WDR20: variants seen among roughly 807,000 people sequenced by gnomAD.
The protein encoded by WDR20 is WD repeat domain 20.
Under a neutral mutation model 38.7 loss-of-function variants are expected in WDR20, and 3 were observed. The observed-to-expected ratio is 0.08, with a 90% CI of 0.04 to 0.20. The LOEUF (loss-of-function observed/expected upper bound fraction) is 0.20. WDR20 is among the 10% of genes least tolerant of loss of function. The probability of loss-of-function intolerance (pLI) is 1.00; values close to 1 mark genes in which losing one functional copy is unlikely to be tolerated. For missense variants in WDR20, 559 were observed against 727.7 expected (o/e 0.77, Z 2.67); for synonymous variants, 298 against 285.6 (o/e 1.04, Z -0.44).
intron 2 of WDR20, among the ~76,000 whole-genome samples, chr14:102,198,654 T>TA (rs1377917046): frequency 6.6e-6 from 1 of 152,220 alleles, no homozygotes; most frequent in Non-Finnish European, 1.5e-5. Flanking sequence ...CCACATCACC[T>TA]ACGGCCTGAT....
downstream of WDR20, chr14:102,213,675 C>G (rs576511360): frequency 1.0e-6 from 1 of 985,454 alleles, no homozygotes; most frequent in South Asian, 4.7e-5. Flanking sequence ...GCCATTTCTC[C>G]CCAGTTCCTC....
At chr14:102,156,171 C>CTT (rs771377694) in intron 1 of WDR20, among the ~76,000 whole-genome samples, 4 of 138,538 alleles carry the variant, frequency 2.9e-5, no homozygotes, top group South Asian at 2.3e-4. Flanking sequence ...ACCATTAGAT[C>CTT]TTTTTTTTTT....
chr14:102,218,945 G>A (rs746482291), downstream of WDR20, among the ~76,000 whole-genome samples: 4 of 152,202 alleles, frequency 2.6e-5, no homozygotes, highest in Admixed American at 6.5e-5. Flanking sequence ...CGGCCGGGCC[G>A]GGCCTTGCCC....
chr14:102,176,641 G>C (rs1040163611), intron 1 of WDR20, among the ~76,000 whole-genome samples: 1 of 151,660 alleles, frequency 6.6e-6, no homozygotes, highest in Non-Finnish European at 1.5e-5. Flanking sequence ...TATTCTTTCT[G>C]GTTTTGGGTA....
chr14:102,187,828 C>T (rs1020220010), intron 1 of WDR20, among the ~76,000 whole-genome samples: 8 of 152,088 alleles, frequency 5.3e-5, no homozygotes, highest in Non-Finnish European at 8.8e-5. Flanking sequence ...CCCAACAGAG[C>T]GCCAAGTATA....
chr14:102,174,657 G>A (rs2061688129), intron 1 of WDR20, among the ~76,000 whole-genome samples: 1 of 152,146 alleles, frequency 6.6e-6, no homozygotes, highest in African/African-American at 2.4e-5. Flanking sequence ...CTGACCTCAT[G>A]ATCCACCCAC....
Position 102,222,189 on chromosome 14 carries a change from C to T in WDR20, c.1693-641C>T, listed in dbSNP as rs939184321. Among the ~76,000 whole-genome samples the T allele has an allele frequency of 4.6e-5, 7 of 152,154 alleles. No homozygotes were observed. Among genetic ancestry groups the T allele is most frequent in the African/African-American group, 1.7e-4 (7 of 41,518 alleles). The stretch of plus-strand genomic sequence containing the variant: ...GGCCCTGGTGGGTTGGCCCCCACAT[C>T]CCTTCTCCACACCCAGCTGCAGCCT... On this transcript the variant is annotated intron_variant, in intron 3 of 3. Coordinates refer to the WDR20 transcript ENST00000335263. This position sits in a 1 kb window ranked among gnomAD's most constrained non-coding sequence, Gnocchi z 4.4.
intron 2 of WDR20, among the ~76,000 whole-genome samples, chr14:102,195,356 G>A (rs1374903769): frequency 6.6e-6 from 1 of 152,118 alleles, no homozygotes; most frequent in African/African-American, 2.4e-5. Context: ...TCTATAACAG[G>A]TGTTTTAAAA....
At chr14:102,201,926 C>T (rs77628477) in intron 2 of WDR20, among the ~76,000 whole-genome samples, 5,318 of 151,932 alleles carry the variant, frequency 0.035, 315 homozygotes, top group African/African-American at 0.12. Context: ...TCAGTGTACC[C>T]CTGCCCTGGA....
intron 1 of WDR20, chr14:102,191,229 G>A (rs917865224): frequency 1.3e-5 from 2 of 152,206 alleles, no homozygotes; most frequent in African/African-American, 4.8e-5. Flanking sequence ...AGGGAAGGCA[G>A]GATTTGAACT....
At position 102,163,627 on chromosome 14, in the gene WDR20, CAAAAAA is replaced by C. The variant is rs58628061; in HGVS notation, c.249+23473_249+23478del. On this transcript the variant is annotated intron_variant, in intron 1 of 2. Transcript: ENST00000342702. ...TGGGTGACAGAGCAAGACTCTGTCT[CAAAAAA>C]AAAAAAAAAAAAAAAAATTAGTCTG... Among the ~76,000 whole-genome samples the C allele has an allele frequency of 1.2e-3, 75 of 62,822 alleles. 1 individual carries two copies. The highest frequency in any genetic ancestry group is 2.8e-3 in the Admixed American group (11 of 3,876). 41.2% of individuals were successfully genotyped at this position (62,822 alleles called of 152,430 possible). A position where few individuals can be genotyped will look rare whatever the true frequency, so the allele number is the denominator to read the frequency against.
chr14:102,139,960 A>C lies in WDR20; in HGVS notation c.37A>C (p.Ile13Leu). 1 of 1,614,160 alleles carries C rather than the reference A, an allele frequency of 6.2e-7. No homozygotes were observed. The change falls in exon 1 of 3, where the codon ATT (isoleucine) becomes CTT (leucine). Residue 13 changes from isoleucine to leucine, a missense_variant. Transcript: ENST00000342702. ...GGGAGGAGGGAAGGAGATGAACGAG[A>C]TTAAGACCCAATTCACCACCCGGGA... ...TEGGGKEMNE[I>L]KTQFTTREGL...
At position 102,208,824 on chromosome 14, in the gene WDR20, G is replaced by A; in HGVS notation, c.654G>A (p.Val218=). ...STRNPLLKWT[V]GEGALNEFAF... ...GGAACCCTCTCCTTAAGTGGACGGT[G>A]GGCGAGGGGGCCCTCAACGAGTTTG... The change falls in exon 3 of 3, where the codon GTG becomes GTA. Residue 218 remains valine, a synonymous_variant. Coordinates refer to ENST00000342702, the MANE Select transcript of WDR20 (RefSeq NM_144574.4). This position sits in a 1 kb window ranked among gnomAD's most constrained non-coding sequence, Gnocchi z 5.6. The A allele has an allele frequency of 1.9e-6, 3 of 1,614,262 alleles. No homozygotes were observed. Among genetic ancestry groups the A allele is most frequent in the South Asian group, 1.1e-5 (1 of 91,090 alleles).
At chr14:102,206,791 G>A (rs1334522445) in intron 2 of WDR20, among the ~76,000 whole-genome samples, 2 of 152,110 alleles carry the variant, frequency 1.3e-5, no homozygotes, top group Non-Finnish European at 2.9e-5. Context: ...GGGCCCAGTG[G>A]GCACAGCAAG....
chr14:102,175,309 C>G (rs2061816005), intron 1 of WDR20, among the ~76,000 whole-genome samples: 1 of 152,190 alleles, frequency 6.6e-6, no homozygotes, highest in Admixed American at 6.5e-5. Flanking sequence ...AATAGGGTGT[C>G]TTTTCCCCAC....
At position 102,173,437 on chromosome 14, in the gene WDR20, ATTATTATTATTATT is replaced by A. The variant is rs1401331030; in HGVS notation, c.250-21500_250-21487del. The stretch of plus-strand genomic sequence containing the variant: ...CCTGTTTTTTTCTTTTTTTAAAATT[ATTATTATTATTATT>A]ATTATTATTATTATTATTATTATTA... On this transcript the variant is annotated intron_variant, in intron 1 of 2. Transcript: ENST00000342702. Among the ~76,000 whole-genome samples, 5 of 822 alleles carry A rather than the reference ATTATTATTATTATT, an allele frequency of 6.1e-3. No homozygotes were observed. In the East Asian group the frequency reaches 0.18, roughly 30 times the overall value. The allele number at this position is 822 out of a possible 152,430, so 0.5% of individuals were successfully genotyped here.
At chr14:102,141,535 A>G (rs1468538876) in intron 1 of WDR20, among the ~76,000 whole-genome samples, 1 of 151,926 alleles carries the variant, frequency 6.6e-6, no homozygotes, top group Admixed American at 6.6e-5. Flanking sequence ...AGTAGTCTTC[A>G]GTCTAGGGGC....
At chr14:102,180,006 A>G (rs1475930446) in intron 1 of WDR20, among the ~76,000 whole-genome samples, 2 of 152,146 alleles carry the variant, frequency 1.3e-5, no homozygotes, top group Non-Finnish European at 2.9e-5. Context: ...TACAAAAATT[A>G]ACCAGGCGTG....
intron 1 of WDR20, among the ~76,000 whole-genome samples, chr14:102,147,991 A>G (rs2054287763): frequency 6.6e-6 from 1 of 152,204 alleles, no homozygotes; most frequent in Admixed American, 6.5e-5. Context: ...TGGGCCTCCC[A>G]AAGTGCTGGG....
Sources: gnomAD v4.1 joint callset for allele counts (sites outside exome capture counted in the v4.1 genomes callset) on GRCh38, gnomAD v4.1.1 for gene constraint, Gnocchi (gnomAD v3.1) non-coding constraint, MANE v1.5 for transcripts, NCBI Gene and HGNC (gene_info 2026-07-23, HGNC 2026-07-21) for gene names.